MALRD1: variants seen among roughly 807,000 people sequenced by gnomAD.
The protein encoded by MALRD1 is MAM and LDL receptor class A domain containing 1.
MALRD1 carries 247 observed loss-of-function variants against 242.1 expected under a neutral mutation model. The observed-to-expected ratio is 1.02, with a 90% CI of 0.92 to 1.13. The LOEUF is 1.13. Among genes scored for constraint, MALRD1 ranks in the 50% most tolerant of loss-of-function variants. MALRD1 has a pLI of 0.00. For missense variants in MALRD1, 2,989 were observed against 2,533.1 expected (o/e 1.18, Z -3.86); for synonymous variants, 995 against 866.6 (o/e 1.15, Z -2.60).
At chr10:19,166,992 C>G (rs1220278784) in intron 13 of MALRD1, among the ~76,000 whole-genome samples, 2 of 152,166 alleles carry the variant, frequency 1.3e-5, no homozygotes, top group African/African-American at 4.8e-5. Context: ...AAAAGCAATA[C>G]TCCAGGGGAG....
chr10:19,692,404 G>A (rs1247305364), intron 37 of MALRD1, 43 bp downstream of exon 37: 2 of 1,531,124 alleles, frequency 1.3e-6, no homozygotes, highest in Admixed American at 3.9e-5. Context: ...GTTTGGGGTG[G>A]TCTCTAATAT....
intron 14 of MALRD1, among the ~76,000 whole-genome samples, chr10:19,184,402 G>A (rs754876771): frequency 1.3e-5 from 2 of 152,096 alleles, no homozygotes; most frequent in Non-Finnish European, 2.9e-5. Flanking sequence ...GTTATTTGAT[G>A]TTGAGGCCAA....
At chr10:19,220,985 A>G (rs556080728) in intron 18 of MALRD1, among the ~76,000 whole-genome samples, 1 of 152,288 alleles carries the variant, frequency 6.6e-6, no homozygotes, top group South Asian at 2.1e-4. Context: ...TCTCCAGTAG[A>G]TCTCTCAACT....
At chr10:19,338,559 C>T (rs1250323123) in intron 24 of MALRD1, among the ~76,000 whole-genome samples, 2 of 148,192 alleles carry the variant, frequency 1.3e-5, no homozygotes, top group Non-Finnish European at 3.0e-5. Flanking sequence ...CCACCAGGTC[C>T]CTCCCTGACA....
At chr10:19,263,770 T>G (rs1839856739) in intron 19 of MALRD1, among the ~76,000 whole-genome samples, 1 of 152,188 alleles carries the variant, frequency 6.6e-6, no homozygotes, top group African/African-American at 2.4e-5. Context: ...TTCTGTGCTT[T>G]CTATTATGCT....
intron 1 of MALRD1, among the ~76,000 whole-genome samples, chr10:19,055,419 T>C (rs1834633880): frequency 6.6e-6 from 1 of 152,220 alleles, no homozygotes; most frequent in South Asian, 2.1e-4. Flanking sequence ...GTCCTATTTG[T>C]ATATTTTTGC....
At position 19,063,255 on chromosome 10, in the gene MALRD1, G is replaced by GA. The variant is rs1834876191; in HGVS notation, c.200-3459dup. Among the ~76,000 whole-genome samples the GA allele has an allele frequency of 2.0e-5, 3 of 152,166 alleles. No individual in the cohort carries two copies. The South Asian group carries it at 6.2e-4, about 31-fold the overall frequency. ...TGCCTTATAGAACCTGTAAGAGGAA[G>GA]AAAAATGTACATCATTAATATTGAC... On this transcript the variant is annotated intron_variant, in intron 1 of 39. Transcript: ENST00000454679.
At chr10:19,235,490 AGTTCCCT>A (rs1838270576) in intron 18 of MALRD1, among the ~76,000 whole-genome samples, 1 of 150,580 alleles carries the variant, frequency 6.6e-6, no homozygotes, top group African/African-American at 2.4e-5. Flanking sequence ...AATTGATTTA[AGTTCCCT>A]GTAGATTCTG....
chr10:19,135,228 C>T (rs1193758893), intron 9 of MALRD1, among the ~76,000 whole-genome samples: 3 of 152,166 alleles, frequency 2.0e-5, no homozygotes, highest in Non-Finnish European at 2.9e-5. Flanking sequence ...GATTTTGTCT[C>T]ACTGCAGCTT....
At chr10:19,454,117 T>G (rs1232292727) in intron 29 of MALRD1, among the ~76,000 whole-genome samples, 1 of 151,310 alleles carries the variant, frequency 6.6e-6, no homozygotes, top group Non-Finnish European at 1.5e-5. Flanking sequence ...TAATAGCTTT[T>G]GGATTTTCCT....
At chr10:19,632,324 T>A in intron 36 of MALRD1, among the ~76,000 whole-genome samples, 1 of 152,032 alleles carries the variant, frequency 6.6e-6, no homozygotes, top group Non-Finnish European at 1.5e-5. Context: ...CCTTCCAATC[T>A]CCAGTTGCTA....
chr10:19,398,986 A>G (rs1846708227), intron 28 of MALRD1, among the ~76,000 whole-genome samples: 1 of 152,218 alleles, frequency 6.6e-6, no homozygotes, highest in African/African-American at 2.4e-5. Flanking sequence ...CTGCTCGTGA[A>G]TTAATATAGT....
intron 31 of MALRD1, among the ~76,000 whole-genome samples, chr10:19,514,332 G>A (rs532640995): frequency 3.9e-5 from 6 of 152,166 alleles, no homozygotes; most frequent in African/African-American, 1.4e-4. Context: ...TTGAAATAAG[G>A]TTTAGTATCA....
At chr10:19,285,473 C>T (rs1227293652) in intron 21 of MALRD1, among the ~76,000 whole-genome samples, 7 of 151,744 alleles carry the variant, frequency 4.6e-5, no homozygotes, top group African/African-American at 1.7e-4. Context: ...CTACATATGG[C>T]TAGCCAGTTT....
At chr10:19,684,660 G>A (rs1842503112) in intron 36 of MALRD1, among the ~76,000 whole-genome samples, 1 of 152,208 alleles carries the variant, frequency 6.6e-6, no homozygotes, top group Non-Finnish European at 1.5e-5. Flanking sequence ...GCTGAGGCAG[G>A]AGAATCTGTT....
At chr10:19,450,178 A>G in intron 28 of MALRD1, 129 bp from the exon 29 acceptor site, 1 of 772,832 alleles carries the variant, frequency 1.3e-6, no homozygotes, top group East Asian at 2.7e-5. Flanking sequence ...TCACAGATTC[A>G]GTGCTTCTTT....
chr10:19,194,194 T>C (rs1425236620), intron 14 of MALRD1, among the ~76,000 whole-genome samples: 1 of 152,198 alleles, frequency 6.6e-6, no homozygotes, highest in African/African-American at 2.4e-5. Flanking sequence ...TGGGTGCTCC[T>C]TAGACACCCT....
Position 19,146,257 on chromosome 10 carries a change from G to A in MALRD1, c.1471G>A (p.Glu491Lys). ...CTGCGGTTGGGAGCCATTTCTCACA[G>A]AAGATTCACACTGGAAGCTGATGAA... is the stretch of plus-strand genomic sequence containing the variant. ...GFCGWEPFLT[E>K]DSHWKLMKGL... Residue 491 changes from glutamate to lysine, a missense_variant, in exon 11 of 40, where the codon GAA becomes AAA. Coordinates refer to ENST00000454679, the MANE Select transcript of MALRD1 (RefSeq NM_001142308.3). 1 of 1,231,594 alleles carries A rather than the reference G, an allele frequency of 8.1e-7. No individual in the cohort carries two copies. The highest frequency in any genetic ancestry group is 1.0e-6 in the Non-Finnish European group (1 of 987,896). 76.3% of individuals were successfully genotyped at this position (1,231,594 alleles called of 1,614,324 possible).
intron 34 of MALRD1, among the ~76,000 whole-genome samples, chr10:19,603,493 C>G (rs1257251281): frequency 2.0e-5 from 3 of 152,120 alleles, no homozygotes; most frequent in Non-Finnish European, 4.4e-5. Context: ...TGTCAAAGAT[C>G]AGATGGTTGT....
Sources: allele counts gnomAD v4.1 joint callset (sites outside exome capture counted in the v4.1 genomes callset), GRCh38; gene constraint gnomAD v4.1.1; transcripts MANE v1.5; gene names NCBI Gene and HGNC (gene_info 2026-07-23, HGNC 2026-07-21).